MPP7: variants seen among roughly 807,000 people sequenced by gnomAD.
MPP7 encodes MAGUK p55 scaffold protein 7.
MPP7 carries 60 observed loss-of-function variants against 76.5 expected under a neutral mutation model. The ratio of observed to expected loss-of-function variants is 0.78; its 90% CI spans 0.64 to 0.97. MPP7 has a LOEUF of 0.97. Among genes scored for constraint, MPP7 ranks in the 50% least tolerant of loss-of-function variants. The probability of loss-of-function intolerance (pLI) is 0.00; values close to 1 mark genes in which losing one functional copy is unlikely to be tolerated. For synonymous variants in MPP7, 237 were observed against 244.5 expected (o/e 0.97, Z 0.29); for missense variants, 641 against 694.0 (o/e 0.92, Z 0.86).
In MPP7 at chr10:28,059,672, C is replaced by G; in HGVS notation, c.1276G>C (p.Glu426Gln). 1.2e-6 allele frequency: 2 copies of G among 1,613,032 alleles called. No individual in the cohort carries two copies. Among genetic ancestry groups the G allele is most frequent in the Non-Finnish European group, 1.7e-6 (2 of 1,179,288 alleles). The change falls in exon 14 of 17, where the codon GAG becomes CAG. Residue 426 changes from glutamate (E) to glutamine (Q), a missense_variant. Glu to Gln is a conservative substitution (Grantham distance 29, BLOSUM62 2). Coordinates refer to ENST00000683449, the MANE Select transcript of MPP7 (RefSeq NM_001318170.2). ...TACTTGTTATTTTGTACATCTGTCT[C>G]AAACAAATGCTTGGAAATGAAAATG... is the stretch of plus-strand genomic sequence containing the variant. The part of the protein sequence containing the change: ...EYIFISKHLF[E>Q]TDVQNNKFIE...
chr10:28,330,319 G>A (rs1834459800), intron 1 of MPP7, among the ~76,000 whole-genome samples: 1 of 152,150 alleles, frequency 6.6e-6, no homozygotes, highest in Admixed American at 6.5e-5. Flanking sequence ...GGAGAAGGAT[G>A]GCTTGAGCCC....
At chr10:28,183,206 G>C (rs1182828330) in intron 3 of MPP7, among the ~76,000 whole-genome samples, 1 of 152,148 alleles carries the variant, frequency 6.6e-6, no homozygotes, top group Non-Finnish European at 1.5e-5. Context: ...TCAAGATGAA[G>C]GTTATCACTG....
intron 2 of MPP7, among the ~76,000 whole-genome samples, chr10:28,326,082 T>C (rs1834411850): frequency 6.6e-6 from 1 of 152,098 alleles, no homozygotes; most frequent in Non-Finnish European, 1.5e-5. Flanking sequence ...TCTCCAGGCA[T>C]GTAGAAGCTC....
At chr10:28,233,982 G>A (rs552104215) in intron 2 of MPP7, among the ~76,000 whole-genome samples, 1 of 151,874 alleles carries the variant, frequency 6.6e-6, no homozygotes, top group East Asian at 1.9e-4. Context: ...AGAGAAAAGA[G>A]AAAAGAAACG....
intron 5 of MPP7, among the ~76,000 whole-genome samples, chr10:28,139,872 T>C (rs979133571): frequency 6.6e-6 from 1 of 152,190 alleles, no homozygotes; most frequent in East Asian, 1.9e-4. Flanking sequence ...CTTCATATAT[T>C]TGCAAAAGTT....
intron 5 of MPP7, among the ~76,000 whole-genome samples, chr10:28,142,477 T>G (rs1835553748): frequency 6.6e-6 from 1 of 152,162 alleles, no homozygotes; most frequent in African/African-American, 2.4e-5. Context: ...ACCTCTGTAA[T>G]CCTAGCACTT....
rs549621404 is a variant in MPP7, at chr10:28,316,435, TAAAAAAAAAAAAAAAAAAAAA to T, written c.-132+13473_-132+13493del. ...GGGCAACAGAGTAAGACTCTGTCTT[TAAAAAAAAAAAAAAAAAAAAA>T]AAAAAAAAAAAAAAAACTATCTGAG... On this transcript the variant is annotated intron_variant, in intron 2 of 11. Coordinates refer to the MPP7 transcript ENST00000441595. Among the ~76,000 whole-genome samples the T allele has an allele frequency of 2.7e-4, 10 of 37,150 alleles. 1 individual carries two copies. The highest frequency in any genetic ancestry group is 7.9e-4 in the East Asian group (1 of 1,262). 24.4% of individuals were successfully genotyped at this position (37,150 alleles called of 152,430 possible). A position where few individuals can be genotyped will look rare whatever the true frequency, so the allele number is the denominator to read the frequency against.
At chr10:28,233,704 C>T (rs1469568803) in intron 2 of MPP7, among the ~76,000 whole-genome samples, 2 of 137,190 alleles carry the variant, frequency 1.5e-5, no homozygotes, top group East Asian at 2.3e-4. Flanking sequence ...GGCGACAGAG[C>T]GAGACTCCGT....
At chr10:28,223,042 G>C (rs1204669910) in intron 2 of MPP7, among the ~76,000 whole-genome samples, 4 of 151,322 alleles carry the variant, frequency 2.6e-5, no homozygotes, top group Admixed American at 2.6e-4. Context: ...GCTGAGGCAG[G>C]AGAATCGCTT....
At chr10:28,149,600 G>A (rs970779422) in intron 4 of MPP7, among the ~76,000 whole-genome samples, 1 of 152,022 alleles carries the variant, frequency 6.6e-6, no homozygotes, top group Non-Finnish European at 1.5e-5. Context: ...CCTAGTATCT[G>A]TCATTTTTTA....
chr10:28,207,551 G>A (rs1305939751), intron 2 of MPP7, among the ~76,000 whole-genome samples: 1 of 151,988 alleles, frequency 6.6e-6, no homozygotes, highest in Non-Finnish European at 1.5e-5. Context: ...CGGGCATGGT[G>A]GTGCACACCT....
intron 16 of MPP7, among the ~76,000 whole-genome samples, chr10:28,055,633 T>G (rs1564607697): frequency 6.6e-6 from 1 of 152,190 alleles, no homozygotes; most frequent in Non-Finnish European, 1.5e-5. Flanking sequence ...TGAATAATAT[T>G]GGTCTACTTA....
chr10:28,058,514 A>T lies in MPP7; in HGVS notation c.1388T>A (p.Leu463Ter). The T allele has an allele frequency of 6.2e-7, 1 of 1,601,176 alleles. No individual in the cohort carries two copies. Among genetic ancestry groups the T allele is most frequent in the Non-Finnish European group, 8.5e-7 (1 of 1,173,128 alleles). Residue 463 changes from leucine to a stop codon, truncating the protein, a stop_gained, in exon 15 of 17, where the codon TTG becomes TAG. Coordinates refer to ENST00000683449, the MANE Select transcript of MPP7 (RefSeq NM_001318170.2). LOFTEE classifies it high-confidence loss of function. The part of the protein sequence containing the change: ...RSVLAKNKVC[L>*]LDVQPHTVKH... ...ACTTACATGAGGCTGAACATCCAAC[A>T]AACAAACTTTGTTTTTAGCAAGGAC... is the stretch of plus-strand genomic sequence containing the variant.
chr10:28,093,298 CAAGAACATA>C (rs1853408175), intron 11 of MPP7, among the ~76,000 whole-genome samples: 1 of 152,118 alleles, frequency 6.6e-6, no homozygotes, highest in Non-Finnish European at 1.5e-5. Flanking sequence ...ATGGATATAA[CAAGAACATA>C]AATGCTTCAT....
chr10:28,193,496 T>C (rs2607543), intron 3 of MPP7, among the ~76,000 whole-genome samples: 125,512 of 152,098 alleles, frequency 0.83, 52,405 homozygotes, highest in African/African-American at 0.89. Flanking sequence ...CAGGCGTGAG[T>C]CACCATGACT....
chr10:28,092,480 T>G (rs1367432601), intron 11 of MPP7, among the ~76,000 whole-genome samples: 1 of 152,116 alleles, frequency 6.6e-6, no homozygotes, highest in African/African-American at 2.4e-5. Context: ...GGATTCAAAC[T>G]TCTATGTAAA....
intron 13 of MPP7, among the ~76,000 whole-genome samples, chr10:28,062,427 A>C (rs1335199773): frequency 2.0e-5 from 3 of 152,106 alleles, no homozygotes; most frequent in Non-Finnish European, 4.4e-5. Flanking sequence ...AAAATAATCC[A>C]AAAGAAGGCA....
At chr10:28,291,075 T>C (rs1466055630) in intron 1 of MPP7, among the ~76,000 whole-genome samples, 2 of 152,198 alleles carry the variant, frequency 1.3e-5, no homozygotes. Flanking sequence ...TGCTGCACAG[T>C]TTAGGATGTT....
At position 28,089,802 on chromosome 10, in the gene MPP7, T is replaced by C. The variant is rs778054279; in HGVS notation, c.992A>G (p.Lys331Arg). Reference sequence around the variant, plus strand: ...TTCATACATGGATTTATTTGTTTTCTTATCTTTTCTACTAAGACGAAAACT... The same window carrying C: ...TTCATACATGGATTTATTTGTTTTCCTATCTTTTCTACTAAGACGAAAACT... Reference protein sequence around the residue: ...RKSFRLSRKDKKTNKSMYECK... With the variant: ...RKSFRLSRKDRKTNKSMYECK... The change falls in exon 12 of 17, where the codon AAG becomes AGG. Residue 331 changes from lysine to arginine, a missense_variant. Coordinates refer to ENST00000683449, the MANE Select transcript of MPP7 (RefSeq NM_001318170.2). 3.8e-6 allele frequency: 6 copies of C among 1,590,824 alleles called. No individual in the cohort carries two copies. Among genetic ancestry groups the C allele is most frequent in the Non-Finnish European group, 4.3e-6 (5 of 1,160,866 alleles).
Sources: allele counts gnomAD v4.1 joint callset (sites outside exome capture counted in the v4.1 genomes callset), GRCh38; gene constraint gnomAD v4.1.1; transcripts MANE v1.5; gene names NCBI Gene and HGNC (gene_info 2026-07-23, HGNC 2026-07-21).